ANO8: variants seen among roughly 807,000 people sequenced by gnomAD.
The protein encoded by ANO8 is anoctamin-8.
In ANO8, 67 loss-of-function variants were observed where a neutral mutation model predicts 120.4. The ratio of observed to expected loss-of-function variants is 0.56; its 90% CI spans 0.46 to 0.68. ANO8 has a LOEUF of 0.68. Among genes scored for constraint, ANO8 ranks in the 30% least tolerant of loss-of-function variants. The probability of loss-of-function intolerance (pLI) is 0.00; values close to 1 mark genes in which losing one functional copy is unlikely to be tolerated. For synonymous variants in ANO8, 727 were observed against 759.2 expected (o/e 0.96, Z 0.70); for missense variants, 1,526 against 1,737.6 (o/e 0.88, Z 2.16).
At position 17,334,566 on chromosome 19, in the gene ANO8, C is replaced by T; in HGVS notation, c.105G>A (p.Leu35=). The T allele has an allele frequency of 6.4e-7, 1 of 1,552,574 alleles. No individual in the cohort carries two copies. The highest frequency in any genetic ancestry group is 2.5e-5 in the East Asian group (1 of 40,004). The change falls in exon 1 of 18, where the codon CTG becomes CTA. Residue 35 remains leucine (L), a splice_region_variant and synonymous_variant. Transcript: ENST00000159087. Reference sequence around the variant, plus strand: ...CTGGTCCAGCCGCCGCACACATACCCAGAACTCCGGACGCCGGGGCTGCAG... The same window carrying T: ...CTGGTCCAGCCGCCGCACACATACCTAGAACTCCGGACGCCGGGGCTGCAG... ...GEPAAPASGV[L]DKLFGKRLLQ... is the part of the protein sequence containing the mutation.
chr19:17,333,096 C>T lies in ANO8; in HGVS notation c.489+5G>A. 6.2e-7 allele frequency: 1 copy of T among 1,613,824 alleles called. No individual in the cohort carries two copies. The highest frequency in any genetic ancestry group is 8.5e-7 in the Non-Finnish European group (1 of 1,179,774). ...ATGCATGCGGGGGCCCAGAGCCGGC[C>T]TCACCTGGGAGGTGAAGAAGCGTAG... On this transcript the variant is annotated splice_donor_5th_base_variant and intron_variant, in intron 4 of 17. Coordinates refer to ENST00000159087, the MANE Select transcript of ANO8 (RefSeq NM_020959.3). The surrounding 1 kb of genome is among the most constrained non-coding windows in gnomAD (Gnocchi z 7.2).
At position 17,328,594 on chromosome 19, in the gene ANO8, GTCCTCCTCTTCCTCCTCGTCCTCC is replaced by G; in HGVS notation, c.1770_1793del (p.Glu590_Glu597del). 1 of 1,544,274 alleles carries G rather than the reference GTCCTCCTCTTCCTCCTCGTCCTCC, an allele frequency of 6.5e-7. No homozygotes were observed. Among genetic ancestry groups the G allele is most frequent in the East Asian group, 2.5e-5 (1 of 40,796 alleles). On this transcript the variant is annotated inframe_deletion, in exon 13 of 18. Transcript: ENST00000159087. Reference sequence around the variant, plus strand: ...GGCCCCCTTCCTCGCCCTCCTCCTCGTCCTCCTCTTCCTCCTCGTCCTCCTCCTCCTCGTCGTCCTCGTCCTCCT... The same window carrying G: ...GGCCCCCTTCCTCGCCCTCCTCCTCGTCCTCCTCGTCGTCCTCGTCCTCCT...
At chr19:17,331,800 A>G (rs112718681) in intron 5 of ANO8, among the ~76,000 whole-genome samples, 13,011 of 151,480 alleles carry the variant, frequency 0.086, 649 homozygotes, top group Non-Finnish European at 0.11. Context: ...CGCCCAGCTA[A>G]TTTTTGTATT....
Position 17,328,775 on chromosome 19 carries a change from C to T in ANO8, c.1613G>A (p.Ser538Asn), listed in dbSNP as rs746855984. 6.8e-6 allele frequency: 9 copies of T among 1,323,140 alleles called. No individual in the cohort carries two copies. In the South Asian group the frequency reaches 1.3e-4, roughly 19 times the overall value. The allele number at this position is 1,323,140 out of a possible 1,614,324, so 82.0% of individuals were successfully genotyped here. ...GAGGCACCTGCGGCCCCCGCCCCCG[C>T]TGCCGCCGCCCCCGCCCTCATCCGC... ...PQADEGGGGG[S>N]GGGGRRCLSG... Residue 538 changes from serine to asparagine, a missense_variant, in exon 13 of 18, where the codon AGC becomes AAC. Around this residue, in one of 8 missense-constraint regions of ANO8, gnomAD observed 467 missense variants for 425.8 expected, o/e 1.10. Transcript: ENST00000159087.
At position 17,325,163 on chromosome 19, in the gene ANO8, C is replaced by T. The variant is rs773132140; in HGVS notation, c.2885G>A (p.Arg962Gln). The T allele has an allele frequency of 1.5e-5, 24 of 1,613,168 alleles. No homozygotes were observed. The African/African-American group carries it at 1.9e-4, about 13-fold the overall frequency. Reference sequence around the variant, plus strand: ...CAGCAGGGACCCTGGGCGCTTGGGCCGTTCAGGCCCGTGGCCACCCGCAGT... The same window carrying T: ...CAGCAGGGACCCTGGGCGCTTGGGCTGTTCAGGCCCGTGGCCACCCGCAGT... The part of the protein sequence containing the change: ...GSTAGGHGPE[R>Q]PKRPGSLLAP... Residue 962 changes from arginine (R) to glutamine (Q), a missense_variant, in exon 17 of 18, where the codon CGG (arginine) becomes CAG (glutamine). Around this residue, in one of 8 missense-constraint regions of ANO8, gnomAD observed 489 missense variants for 548.6 expected, o/e 0.89. Transcript: ENST00000159087.
intron 16 of ANO8, 43 bp from the exon 17 acceptor site, chr19:17,325,429 T>A (rs1294008903): frequency 6.6e-7 from 1 of 1,522,732 alleles, no homozygotes; most frequent in Non-Finnish European, 8.8e-7. Flanking sequence ...GAAGAAAGGG[T>A]GTTAGCGGGT....
Position 17,323,455 on chromosome 19 carries a change from G to T in ANO8, c.*62C>A. The stretch of plus-strand genomic sequence containing the variant: ...GCTGAAGCGCATTTTGCATTTTGGA[G>T]ACCGGCCGCCCCTGTGAATGACTGA... On this transcript the variant is annotated 3_prime_UTR_variant, in exon 18 of 18. Coordinates refer to ENST00000159087, the MANE Select transcript of ANO8 (RefSeq NM_020959.3). 1 of 1,279,730 alleles carries T rather than the reference G, an allele frequency of 7.8e-7. No individual in the cohort carries two copies. The highest frequency in any genetic ancestry group is 3.2e-5 in the South Asian group (1 of 31,038). 79.3% of individuals were successfully genotyped at this position (1,279,730 alleles called of 1,614,324 possible). A position where few individuals can be genotyped will look rare whatever the true frequency, so the allele number is the denominator to read the frequency against.
In ANO8 at chr19:17,323,343, G is replaced by GTGTGTGTGTT. The variant is rs772407768; in HGVS notation, c.*173_*174insAACACACACA. 4 of 394,410 alleles carry GTGTGTGTGTT rather than the reference G, an allele frequency of 1.0e-5. No homozygotes were observed. Among genetic ancestry groups the GTGTGTGTGTT allele is most frequent in the African/African-American group, 4.2e-5 (2 of 47,108 alleles). The allele number at this position is 394,410 out of a possible 1,614,324, so 24.4% of individuals were successfully genotyped here. On this transcript the variant is annotated 3_prime_UTR_variant, in exon 18 of 18. Transcript: ENST00000159087. ...TGTGTGTGTGTGTGTGTGTGTGTGT[G>GTGTGTGTGTT]TTTTCTGTTGGATTTGTGGGTTTCC...
Position 17,329,980 on chromosome 19 carries a change from G to T in ANO8, c.1308C>A (p.His436Gln), listed in dbSNP as rs1300169722. The T allele has an allele frequency of 1.2e-6, 2 of 1,613,996 alleles. No homozygotes were observed. Among genetic ancestry groups the T allele is most frequent in the Admixed American group, 3.3e-5 (2 of 60,018 alleles). Reference protein sequence around the residue: ...NYRLESAYEKHLIIKVVLFQF... With the variant: ...NYRLESAYEKQLIIKVVLFQF... ...TCACCAGGACAACTTTGATGATGAG[G>T]TGCTTCTCATAGGCGCTCTCCAGCC... Residue 436 changes from histidine (H) to glutamine (Q), a missense_variant, in exon 11 of 18, where the codon CAC (histidine) becomes CAA (glutamine). Physicochemically the swap from His to Gln is conservative, Grantham distance 24. Coordinates refer to ENST00000159087, the MANE Select transcript of ANO8 (RefSeq NM_020959.3).
chr19:17,323,651 G>C lies in ANO8; in HGVS notation c.3565C>G (p.Pro1189Ala). 1 of 1,136,112 alleles carries C rather than the reference G, an allele frequency of 8.8e-7. No individual in the cohort carries two copies. The allele number at this position is 1,136,112 out of a possible 1,614,324, so 70.4% of individuals were successfully genotyped here. A position where few individuals can be genotyped will look rare whatever the true frequency, so the allele number is the denominator to read the frequency against. Residue 1189 changes from proline to alanine, a missense_variant, in exon 18 of 18, where the codon CCG becomes GCG. Pro to Ala is a conservative substitution (Grantham distance 27). Transcript: ENST00000159087. ...AGPPPAPQPL[P>A]GDASFYSLPP... ...AGGCTGTAAAAGCTGGCGTCTCCCG[G>C]CAGGGGCTGGGGGGCGGGTGGGGGC...
chr19:17,331,058 C>A, intron 7 of ANO8, 30 bp downstream of exon 7: 1 of 1,613,820 alleles, frequency 6.2e-7, no homozygotes, highest in Non-Finnish European at 8.5e-7. Context: ...CTCTGGATCC[C>A]CCAGACCTTG....
In ANO8 at chr19:17,329,754, C is replaced by T. The variant is rs576383146; in HGVS notation, c.1404+3G>A. The T allele has an allele frequency of 6.2e-6, 10 of 1,610,634 alleles. No homozygotes were observed. The highest frequency in any genetic ancestry group is 3.4e-6 in the Non-Finnish European group (4 of 1,178,840). ...GGGACTGCCGCTGGGGCGGGGGTCT[C>T]ACCTCTTTCAAGCGCTCCATGTCCT... is the stretch of plus-strand genomic sequence containing the variant. On this transcript the variant is annotated splice_donor_region_variant and intron_variant, in intron 12 of 17. Transcript: ENST00000159087.
At chr19:17,331,247 C>G in intron 6 of ANO8, 32 bp from the exon 7 acceptor site, 1 of 1,614,180 alleles carries the variant, frequency 6.2e-7, no homozygotes, top group Non-Finnish European at 8.5e-7. Context: ...TCAGTCACCC[C>G]CTGCCTGTCT....
rs751733769 is a variant in ANO8, at chr19:17,324,892, G to T, written c.3156C>A (p.Gly1052=). The T allele has an allele frequency of 6.2e-7, 1 of 1,613,400 alleles. No homozygotes were observed. Among genetic ancestry groups the T allele is most frequent in the South Asian group, 1.1e-5 (1 of 91,090 alleles). Residue 1052 remains glycine, a synonymous_variant, in exon 17 of 18, where the codon GGC becomes GGA. Coordinates refer to ENST00000159087, the MANE Select transcript of ANO8 (RefSeq NM_020959.3). ...GGGTGCCACCAAAGGGGAAGAGCTT[G>T]CCAGCATGGAAGGCTTTGGGCGGTG... ...SHSPPKAFHA[G]KLFPFGGTRA...
Position 17,330,514 on chromosome 19 carries a change from G to T in ANO8, c.994-10C>A. 1 of 1,500,438 alleles carries T rather than the reference G, an allele frequency of 6.7e-7. No homozygotes were observed. Among genetic ancestry groups the T allele is most frequent in the Non-Finnish European group, 8.9e-7 (1 of 1,119,702 alleles). The allele number at this position is 1,500,438 out of a possible 1,614,324, so 92.9% of individuals were successfully genotyped here. ...TGATACGTCGCACGCCCTGATGGTG[G>T]GCAAAGACCGGGCCCAGCATGAGCT... On this transcript the variant is annotated splice_polypyrimidine_tract_variant and intron_variant, in intron 8 of 17. Coordinates refer to ENST00000159087, the MANE Select transcript of ANO8 (RefSeq NM_020959.3).
Position 17,330,910 on chromosome 19 carries a change from C to T in ANO8, c.911G>A (p.Arg304Gln), listed in dbSNP as rs368368418. The change falls in exon 8 of 18, where the codon CGG (arginine) becomes CAG (glutamine). Residue 304 changes from arginine to glutamine, a missense_variant. Around this residue, in one of 8 missense-constraint regions of ANO8, gnomAD observed 322 missense variants for 431.8 expected, o/e 0.75. Coordinates refer to ENST00000159087, the MANE Select transcript of ANO8 (RefSeq NM_020959.3). The stretch of plus-strand genomic sequence containing the variant: ...CTTATATGCCAGCTCAGCCCCTCTC[C>T]GCTTCCATTCCTCTAGGAACAGCGT... ...WSTLFLEEWK[R>Q]RGAELAYKWG... The T allele has an allele frequency of 2.4e-5, 38 of 1,614,068 alleles. No homozygotes were observed. Among genetic ancestry groups the T allele is most frequent in the Non-Finnish European group, 2.8e-5 (33 of 1,180,030 alleles).
Position 17,334,762 on chromosome 19 carries a change from A to C in ANO8, c.-92T>G, listed in dbSNP as rs1282013253. On this transcript the variant is annotated 5_prime_UTR_variant, in exon 1 of 18. Transcript: ENST00000159087. ...CCGGTGCAGCCGCGGAGCGCGCGGGAGGAGGAGACAAAGGCCGCGCCCGCC... is the reference window on the plus strand; with the variant it reads ...CCGGTGCAGCCGCGGAGCGCGCGGGCGGAGGAGACAAAGGCCGCGCCCGCC... The C allele has an allele frequency of 2.5e-6, 3 of 1,207,404 alleles. No individual in the cohort carries two copies. Among genetic ancestry groups the C allele is most frequent in the African/African-American group, 1.6e-5 (1 of 61,688 alleles). The allele number at this position is 1,207,404 out of a possible 1,614,324, so 74.8% of individuals were successfully genotyped here.
chr19:17,327,665 TC>T, intron 14 of ANO8, 23 bp downstream of exon 14: 1 of 1,610,596 alleles, frequency 6.2e-7, no homozygotes, highest in Non-Finnish European at 8.5e-7. Context: ...GGGCCTCAGC[TC>T]GGATCTCTTG....
Position 17,329,977 on chromosome 19 carries a change from G to A in ANO8, c.1311C>T (p.Leu437=). 2.5e-6 allele frequency: 4 copies of A among 1,614,042 alleles called. No homozygotes were observed. The highest frequency in any genetic ancestry group is 3.4e-6 in the Non-Finnish European group (4 of 1,180,014). Residue 437 remains leucine, a synonymous_variant, in exon 11 of 18, where the codon CTC becomes CTT. Transcript: ENST00000159087. ...YRLESAYEKH[L]IIKVVLFQFV... is the part of the protein sequence containing the mutation. The stretch of plus-strand genomic sequence containing the variant: ...GACTCACCAGGACAACTTTGATGAT[G>A]AGGTGCTTCTCATAGGCGCTCTCCA...
Sources: gnomAD v4.1 joint callset for allele counts (sites outside exome capture counted in the v4.1 genomes callset) on GRCh38, gnomAD v4.1.1 for gene constraint, gnomAD v4.1.1 regional missense constraint, Gnocchi (gnomAD v3.1) non-coding constraint, MANE v1.5 for transcripts, NCBI Gene and HGNC (gene_info 2026-07-23, HGNC 2026-07-21) for gene names.